Variants in MACROD2 observed in about 807,000 individuals in gnomAD.
MACROD2 encodes mono-ADP ribosylhydrolase 2, also known as ADP-ribose glycohydrolase MACROD2.
In MACROD2, 36 loss-of-function variants were observed where a neutral mutation model predicts 70.4. That is an observed-to-expected ratio of 0.51 (90% CI 0.39 to 0.68). The LOEUF (loss-of-function observed/expected upper bound fraction) is 0.68. MACROD2 is among the 30% of genes least tolerant of loss of function. MACROD2 has a pLI of 0.00. For synonymous variants in MACROD2, 172 were observed against 178.8 expected, an observed-to-expected ratio of 0.96 and a Z score of 0.30; for missense variants, 496 against 538.4, an observed-to-expected ratio of 0.92 and a Z score of 0.78.
chr20:15,398,692 G>T (rs2045891861), intron 6 of MACROD2, among the ~76,000 whole-genome samples: 1 of 152,106 alleles, frequency 6.6e-6, no homozygotes. Flanking sequence ...CTCTCTTTTT[G>T]CCGTCTTCAT....
intron 3 of MACROD2, among the ~76,000 whole-genome samples, chr20:14,312,657 T>C (rs2122522492): frequency 6.6e-6 from 1 of 152,340 alleles, no homozygotes; most frequent in African/African-American, 2.4e-5. Context: ...TGCAATATAT[T>C]GCCTATAGCC....
intron 6 of MACROD2, among the ~76,000 whole-genome samples, chr20:15,416,857 C>T (rs550963931): frequency 3.3e-5 from 5 of 151,872 alleles, no homozygotes; most frequent in Admixed American, 6.6e-5. Context: ...GAGCCGAGAT[C>T]GCGCCACTGC....
intron 3 of MACROD2, among the ~76,000 whole-genome samples, chr20:14,382,420 G>A (rs1427790323): frequency 2.0e-5 from 3 of 151,864 alleles, no homozygotes; most frequent in Non-Finnish European, 4.4e-5. Flanking sequence ...TGTAATCCCA[G>A]CACTTTGGGA....
chr20:15,011,223 G>C (rs1166198929), intron 5 of MACROD2, among the ~76,000 whole-genome samples: 1 of 152,250 alleles, frequency 6.6e-6, no homozygotes, highest in Non-Finnish European at 1.5e-5. Flanking sequence ...TTGTCACTTA[G>C]GGTCAGTAGT....
chr20:14,873,544 A>T (rs944395897), intron 5 of MACROD2, among the ~76,000 whole-genome samples: 2 of 152,260 alleles, frequency 1.3e-5, no homozygotes, highest in East Asian at 3.9e-4. Flanking sequence ...ATGCATAAAC[A>T]TGTAAATAAA....
At chr20:15,729,212 G>A (rs1364065814) in intron 8 of MACROD2, among the ~76,000 whole-genome samples, 2 of 152,092 alleles carry the variant, frequency 1.3e-5, no homozygotes, top group Non-Finnish European at 1.5e-5. Context: ...AATTTTATTA[G>A]TATTGATTTC....
intron 6 of MACROD2, among the ~76,000 whole-genome samples, chr20:15,329,774 G>T (rs972054390): frequency 6.6e-6 from 1 of 151,946 alleles, no homozygotes; most frequent in Non-Finnish European, 1.5e-5. Context: ...ATAATTTTAG[G>T]ATTCTATCCC....
chr20:15,198,374 C>T (rs182320815), intron 5 of MACROD2, among the ~76,000 whole-genome samples: 55 of 152,176 alleles, frequency 3.6e-4, no homozygotes, highest in African/African-American at 8.7e-4. Context: ...GCATTGCCAA[C>T]GCGTCAGTTC....
rs543422854 is a variant in MACROD2, at chr20:15,122,104, TA to T, written c.419-107832del. Among the ~76,000 whole-genome samples the T allele has an allele frequency of 7.2e-5, 11 of 152,354 alleles. No individual in the cohort carries two copies. The South Asian group carries it at 1.7e-3, about 23-fold the overall frequency. The stretch of plus-strand genomic sequence containing the variant: ...CTTAAAATTAATATTTTCTTCATGC[TA>T]AAACAAACAAAATGATGAGAGAAAA... On this transcript the variant is annotated intron_variant, in intron 5 of 17. Transcript: ENST00000684519.
At chr20:15,250,839 C>T (rs796680933) in intron 6 of MACROD2, among the ~76,000 whole-genome samples, 1 of 152,142 alleles carries the variant, frequency 6.6e-6, no homozygotes, top group South Asian at 2.1e-4. Flanking sequence ...AGGGTAGGGA[C>T]AAGGTCTGCC....
At chr20:14,477,108 G>A (rs190037676) in intron 3 of MACROD2, among the ~76,000 whole-genome samples, 46 of 152,242 alleles carry the variant, frequency 3.0e-4, no homozygotes, top group Non-Finnish European at 2.4e-4. Flanking sequence ...GAAGGGGACT[G>A]GACAGAGTTT....
chr20:15,951,352 A>ACACACACAGAG (rs1414285468), intron 12 of MACROD2, among the ~76,000 whole-genome samples: 1 of 91,878 alleles, frequency 1.1e-5, no homozygotes, highest in Non-Finnish European at 2.6e-5. Context: ...CACACACACA[A>ACACACACAGAG]AGAGAGAGAG....
At chr20:14,883,742 G>A (rs1484175592) in intron 5 of MACROD2, among the ~76,000 whole-genome samples, 2 of 152,118 alleles carry the variant, frequency 1.3e-5, no homozygotes, top group African/African-American at 2.4e-5. Context: ...TTAATATAGG[G>A]ACAATGTCTA....
intron 3 of MACROD2, among the ~76,000 whole-genome samples, chr20:14,098,960 C>T (rs2054264780): frequency 1.3e-5 from 2 of 152,140 alleles, no homozygotes; most frequent in South Asian, 4.1e-4. Flanking sequence ...AAAACTGTCA[C>T]ACCTGTGTAA....
chr20:16,028,568 G>A (rs1161009283), intron 15 of MACROD2, among the ~76,000 whole-genome samples: 3 of 152,086 alleles, frequency 2.0e-5, no homozygotes, highest in Non-Finnish European at 2.9e-5. Context: ...TATCATCACT[G>A]CCTTTCATCA....
chr20:14,272,037 T>C (rs6042636), intron 3 of MACROD2, among the ~76,000 whole-genome samples: 97,314 of 151,874 alleles, frequency 0.64, 32,648 homozygotes, highest in Non-Finnish European at 0.75. Flanking sequence ...CTGAAAGTGA[T>C]GGGGAGAATG....
chr20:15,379,703 T>C (rs147573124), intron 6 of MACROD2, among the ~76,000 whole-genome samples: 5 of 152,332 alleles, frequency 3.3e-5, no homozygotes, highest in Non-Finnish European at 7.3e-5. Context: ...TCCTAGTTTG[T>C]CATTATTTTT....
intron 12 of MACROD2, among the ~76,000 whole-genome samples, chr20:15,949,139 C>T (rs1404053973): frequency 6.6e-6 from 1 of 152,112 alleles, no homozygotes; most frequent in Non-Finnish European, 1.5e-5. Flanking sequence ...ATGTTTTTAG[C>T]TTGTGCCTCC....
chr20:15,375,009 G>A (rs1313224829), intron 6 of MACROD2, among the ~76,000 whole-genome samples: 1 of 152,158 alleles, frequency 6.6e-6, no homozygotes, highest in Non-Finnish European at 1.5e-5. Context: ...CAGAAAATGG[G>A]CCGGCATTGG....
Sources: gnomAD v4.1 joint callset for allele counts (sites outside exome capture counted in the v4.1 genomes callset) on GRCh38, gnomAD v4.1.1 for gene constraint, MANE v1.5 for transcripts, NCBI Gene and HGNC (gene_info 2026-07-23, HGNC 2026-07-21) for gene names.